The following TAOK3 variants were observed in gnomAD, a reference collection of about 807,000 sequenced individuals.
TAOK3 encodes the protein serine/threonine-protein kinase TAO3.
TAOK3 carries 40 observed loss-of-function variants against 120.4 expected under a neutral mutation model. The ratio of observed to expected loss-of-function variants is 0.33; its 90% confidence interval spans 0.26 to 0.43. TAOK3 has a LOEUF of 0.43. TAOK3 is among the 20% of genes least tolerant of loss of function. The probability of loss-of-function intolerance (pLI) is 1.00; values close to 1 mark genes in which losing one functional copy is unlikely to be tolerated. For synonymous variants in TAOK3, 355 were observed against 387.5 expected, an observed-to-expected ratio of 0.92 and a Z score of 0.99; for missense variants, 821 against 1,112.1, an observed-to-expected ratio of 0.74 and a Z score of 3.72.
chr12:118,270,604 C>T (rs537818696), intron 1 of TAOK3, among the ~76,000 whole-genome samples: 1 of 151,192 alleles, frequency 6.6e-6, no homozygotes, highest in East Asian at 1.9e-4. Flanking sequence ...TGGTCTTTGT[C>T]TAAGTTGTGT....
At chr12:118,307,198 T>C (rs985631146) in intron 1 of TAOK3, among the ~76,000 whole-genome samples, 3 of 152,070 alleles carry the variant, frequency 2.0e-5, no homozygotes, top group Non-Finnish European at 4.4e-5. Flanking sequence ...TACCACTTTA[T>C]GAATCAACCT....
intron 3 of TAOK3, among the ~76,000 whole-genome samples, chr12:118,250,928 T>C (rs1025169824): frequency 2.0e-5 from 3 of 152,062 alleles, no homozygotes; most frequent in Non-Finnish European, 4.4e-5. Flanking sequence ...GAGAACAGTT[T>C]ACGCAAGATT....
At chr12:118,306,952 G>A (rs78845510) in intron 1 of TAOK3, among the ~76,000 whole-genome samples, 9 of 152,102 alleles carry the variant, frequency 5.9e-5, no homozygotes, top group Non-Finnish European at 8.8e-5. Flanking sequence ...ACAGAAGAAC[G>A]GAATTTTTAA....
chr12:118,231,235 G>A (rs890219035), intron 9 of TAOK3, among the ~76,000 whole-genome samples: 1 of 152,142 alleles, frequency 6.6e-6, no homozygotes, highest in African/African-American at 2.4e-5. Context: ...CAGGGGTGGT[G>A]TAGGAACTGT....
chr12:118,281,606 G>A (rs866973234), intron 1 of TAOK3, among the ~76,000 whole-genome samples: 3 of 152,042 alleles, frequency 2.0e-5, no homozygotes, highest in East Asian at 1.9e-4. Context: ...CCAACATGGC[G>A]AAACCCTGTC....
intron 1 of TAOK3, among the ~76,000 whole-genome samples, chr12:118,297,892 G>A (rs1471122683): frequency 2.0e-5 from 3 of 152,088 alleles, no homozygotes; most frequent in Admixed American, 6.6e-5. Context: ...ATGTTATGGG[G>A]GAAAAATAGT....
intron 7 of TAOK3, chr12:118,236,269 T>G (rs1157032744): frequency 6.6e-6 from 1 of 152,334 alleles, no homozygotes; most frequent in African/African-American, 2.4e-5. Context: ...TAAAAATAAC[T>G]CTGTACAGTA....
At chr12:118,254,587 G>C (rs1252429456) in intron 3 of TAOK3, among the ~76,000 whole-genome samples, 1 of 152,006 alleles carries the variant, frequency 6.6e-6, no homozygotes, top group Non-Finnish European at 1.5e-5. Flanking sequence ...AACAGTAAAG[G>C]GTATCTTGCA....
intron 1 of TAOK3, among the ~76,000 whole-genome samples, chr12:118,286,556 T>TA (rs61103033): frequency 0.15 from 20,408 of 137,520 alleles, 1,391 homozygotes; most frequent in Non-Finnish European, 0.17. Context: ...ATGGCCATAA[T>TA]AAAAAAAAAA....
Position 118,161,821 on chromosome 12 carries a change from G to A in TAOK3, c.2106C>T (p.Val702=). 6.2e-7 allele frequency: 1 copy of A among 1,614,212 alleles called. No individual in the cohort carries two copies. The highest frequency in any genetic ancestry group is 8.5e-7 in the Non-Finnish European group (1 of 1,180,044). The change falls in exon 18 of 21, where the codon GTC becomes GTT. Residue 702 remains valine (V), a synonymous_variant. Transcript: ENST00000392533. The surrounding 1 kb of genome is among the most constrained non-coding windows in gnomAD (Gnocchi z 4.5). The stretch of plus-strand genomic sequence containing the variant: ...TTTTTGGCTGTTGCCGAAGTTCCAT[G>A]ACATGCTTTCTGTGCAGTTCTCTTT... ...RRERELHRKH[V]MELRQQPKNL...
chr12:118,198,947 G>T, intron 13 of TAOK3, 104 bp downstream of exon 13: 1 of 1,207,548 alleles, frequency 8.3e-7, no homozygotes, highest in Non-Finnish European at 1.2e-6. Flanking sequence ...GTACCACACT[G>T]CAGTTGCAAA....
chr12:118,160,414 C>A lies in TAOK3; in HGVS notation c.2140-56G>T. 1 of 1,429,730 alleles carries A rather than the reference C, an allele frequency of 7.0e-7. No homozygotes were observed. The highest frequency in any genetic ancestry group is 9.8e-7 in the Non-Finnish European group (1 of 1,023,402). 88.6% of individuals were successfully genotyped at this position (1,429,730 alleles called of 1,614,324 possible). ...AAGGCACATCAGTAAATACAGAAAG[C>A]CTTCTACCATAATGATATAATACAA... On this transcript the variant is annotated intron_variant, in intron 18 of 20. Transcript: ENST00000392533. This position sits in a 1 kb window ranked among gnomAD's most constrained non-coding sequence, Gnocchi z 4.2.
chr12:118,176,770 ATT>A (rs141684719), intron 16 of TAOK3, among the ~76,000 whole-genome samples: 1 of 146,072 alleles, frequency 6.8e-6, no homozygotes, highest in Non-Finnish European at 1.5e-5. Flanking sequence ...ATTTTAGGTA[ATT>A]TTTTTTTTTT....
At chr12:118,303,920 T>C (rs2042961564) in intron 1 of TAOK3, among the ~76,000 whole-genome samples, 1 of 152,242 alleles carries the variant, frequency 6.6e-6, no homozygotes, top group African/African-American at 2.4e-5. Flanking sequence ...AGTGTTGGGA[T>C]TACAGGCGTG....
chr12:118,176,606 G>A (rs1340817846), intron 16 of TAOK3, among the ~76,000 whole-genome samples: 1 of 151,988 alleles, frequency 6.6e-6, no homozygotes, highest in Non-Finnish European at 1.5e-5. Flanking sequence ...AGCGTCATCT[G>A]GGAGCTTGTT....
At chr12:118,166,511 C>G (rs941234857) in intron 17 of TAOK3, among the ~76,000 whole-genome samples, 1 of 149,240 alleles carries the variant, frequency 6.7e-6, no homozygotes, top group African/African-American at 2.5e-5. Flanking sequence ...GCATTCCAGC[C>G]TGGGCAACAA....
chr12:118,153,241 A>G (rs2034575932), intron 19 of TAOK3, among the ~76,000 whole-genome samples: 2 of 152,134 alleles, frequency 1.3e-5, no homozygotes, highest in Non-Finnish European at 2.9e-5. Context: ...ACCCCCATCT[A>G]TACAAAGATT....
At chr12:118,198,126 G>A (rs1182574317) in intron 13 of TAOK3, among the ~76,000 whole-genome samples, 2 of 151,720 alleles carry the variant, frequency 1.3e-5, no homozygotes, top group African/African-American at 4.8e-5. Context: ...TGTCTCTCTG[G>A]TCCTGAGGCA....
intron 1 of TAOK3, among the ~76,000 whole-genome samples, chr12:118,285,930 C>G (rs1282105431): frequency 6.6e-6 from 1 of 152,164 alleles, no homozygotes; most frequent in Non-Finnish European, 1.5e-5. Context: ...CGGAAGGACT[C>G]CAAGCGGGAA....
Sources: gnomAD v4.1 joint callset for allele counts (sites outside exome capture counted in the v4.1 genomes callset) on GRCh38, gnomAD v4.1.1 for gene constraint, Gnocchi (gnomAD v3.1) non-coding constraint, MANE v1.5 for transcripts, NCBI Gene and HGNC (gene_info 2026-07-23, HGNC 2026-07-21) for gene names.